ATP13A4: variants seen among roughly 807,000 people sequenced by gnomAD.
The protein encoded by ATP13A4 is ATPase 13A4.
A neutral mutation model predicts 142.5 loss-of-function variants in ATP13A4; 114 were observed. The observed-to-expected ratio is 0.80, with a 90% confidence interval of 0.69 to 0.93. The LOEUF is 0.93. Among genes scored for constraint, ATP13A4 ranks in the 40% least tolerant of loss-of-function variants. The pLI, the probability that ATP13A4 is intolerant of heterozygous loss-of-function variation, is 0.00. For synonymous variants in ATP13A4, 488 were observed against 514.8 expected (o/e 0.95, Z 0.70); for missense variants, 1,392 against 1,454.0 (o/e 0.96, Z 0.69).
At chr3:193,560,978 T>A (rs1724004933) in intron 2 of ATP13A4, among the ~76,000 whole-genome samples, 1 of 152,170 alleles carries the variant, frequency 6.6e-6, no homozygotes, top group Admixed American at 6.5e-5. Flanking sequence ...TGTCCTCTAG[T>A]GGCTAAGCTC....
Position 193,514,762 on chromosome 3 carries a change from T to G in ATP13A4, c.170A>C (p.His57Pro). The change falls in exon 2 of 30, where the codon CAC becomes CCC. Residue 57 changes from histidine (H) to proline (P), a missense_variant. By Grantham distance (77) the His-to-Pro change is moderately conservative. Coordinates refer to ENST00000342695, the MANE Select transcript of ATP13A4 (RefSeq NM_032279.4). ...PLVFYWRPAW[H>P]VWAHCVPCSL... The stretch of plus-strand genomic sequence containing the variant: ...ACATGGGACACAATGTGCCCATACG[T>G]GCCATGCTGGTCTCCAGTAAAACAC... 6.2e-7 allele frequency: 1 copy of G among 1,614,204 alleles called. No individual in the cohort carries two copies. Among genetic ancestry groups the G allele is most frequent in the Non-Finnish European group, 8.5e-7 (1 of 1,180,034 alleles).
rs1441166250 is a variant in ATP13A4 at position 193,539,892 on chromosome 3, T to C, written c.60+14848A>G. ...TTCAGTTGGCCACTTACTTTATACATGGACACTCTGTGGGAAATTATTTCG... is the reference window on the plus strand; with the variant it reads ...TTCAGTTGGCCACTTACTTTATACACGGACACTCTGTGGGAAATTATTTCG... On this transcript the variant is annotated intron_variant, in intron 1 of 29. Coordinates refer to ENST00000342695, the MANE Select transcript of ATP13A4 (RefSeq NM_032279.4). Among the ~76,000 whole-genome samples, 4 of 152,230 alleles carry C rather than the reference T, an allele frequency of 2.6e-5. No homozygotes were observed. In the South Asian group the frequency reaches 6.2e-4, roughly 24 times the overall value.
At position 193,515,299 on chromosome 3, in the gene ATP13A4, A is replaced by T. The variant is rs190931178; in HGVS notation, c.61-428T>A. ...CAAGGCCGCACAGCTAGAATGTCCC[A>T]CTGCTAAGATTCCAATCCAGGTCTG... On this transcript the variant is annotated intron_variant, in intron 1 of 29. Coordinates refer to ENST00000342695, the MANE Select transcript of ATP13A4 (RefSeq NM_032279.4). Among the ~76,000 whole-genome samples the T allele has an allele frequency of 2.2e-3, 334 of 152,248 alleles. 1 individual carries two copies. The highest frequency in any genetic ancestry group is 4.1e-3 in the Non-Finnish European group (277 of 68,008).
At chr3:193,507,478 G>A (rs1182475686) in intron 2 of ATP13A4, among the ~76,000 whole-genome samples, 1 of 151,966 alleles carries the variant, frequency 6.6e-6, no homozygotes, top group East Asian at 1.9e-4. Context: ...AAAGTTCTAA[G>A]TTTTGGAGAA....
At position 193,457,376 on chromosome 3, in the gene ATP13A4, T is replaced by C; in HGVS notation, c.1761+3A>G. ...TGTGGGGTGAAGAGCAAGCAGGGCT[T>C]ACCTGGCTGGCTGTTCTGCAGGGCT... On this transcript the variant is annotated splice_donor_region_variant and intron_variant, in intron 15 of 29. Coordinates refer to ENST00000342695, the MANE Select transcript of ATP13A4 (RefSeq NM_032279.4). 2 of 1,614,086 alleles carry C rather than the reference T, an allele frequency of 1.2e-6. No homozygotes were observed. Among genetic ancestry groups the C allele is most frequent in the Non-Finnish European group, 1.7e-6 (2 of 1,179,920 alleles).
chr3:193,441,484 G>A lies in ATP13A4; in HGVS notation c.2421C>T (p.Phe807=), dbSNP rs1716637264. ...AACTTACCTTTGGCAGTAGGCTGCT[G>A]AAATGTTGACTTATAACATGAAAGG... ...GKSFHVISQH[F]SSLLPKILIN... Residue 807 remains phenylalanine (F), a synonymous_variant, in exon 20 of 30, where the codon TTC becomes TTT. Transcript: ENST00000342695. 1 of 1,613,700 alleles carries A rather than the reference G, an allele frequency of 6.2e-7. No homozygotes were observed. Among genetic ancestry groups the A allele is most frequent in the South Asian group, 1.1e-5 (1 of 91,072 alleles).
intron 28 of ATP13A4, among the ~76,000 whole-genome samples, chr3:193,409,550 T>A (rs1372922029): frequency 2.6e-5 from 4 of 152,226 alleles, no homozygotes; most frequent in Non-Finnish European, 1.5e-5. Flanking sequence ...ATCTCATCCT[T>A]AACTTCTGTA....
intron 2 of ATP13A4, among the ~76,000 whole-genome samples, chr3:193,503,407 T>C (rs1187360570): frequency 6.6e-6 from 1 of 152,192 alleles, no homozygotes; most frequent in African/African-American, 2.4e-5. Context: ...GATACCACAA[T>C]GGTCCCTTAG....
rs1255583107 is a variant in ATP13A4 at position 193,412,248 on chromosome 3, T to A, written c.3138A>T (p.Thr1046=). The A allele has an allele frequency of 6.2e-7, 1 of 1,613,686 alleles. No individual in the cohort carries two copies. The highest frequency in any genetic ancestry group is 1.3e-5 in the African/African-American group (1 of 75,020). ...CAAGAGCCACAGTGATACAGTTGAT[T>A]GTTCCCAAGAACCAGACTGTAGTGT... ...FENTTVWFLG[T]INCITVALVF... Residue 1046 remains threonine (T), a synonymous_variant, in exon 27 of 30, where the codon ACA becomes ACT. Transcript: ENST00000342695.
intron 25 of ATP13A4, 46 bp from the exon 26 acceptor site, chr3:193,414,796 T>C: frequency 6.3e-7 from 1 of 1,581,504 alleles, no homozygotes; most frequent in East Asian, 2.3e-5. Flanking sequence ...CAGGAAAATG[T>C]ATTCTTGATC....
Position 193,491,400 on chromosome 3 carries a change from T to C in ATP13A4, c.534-2A>G. On this transcript the variant is annotated splice_acceptor_variant, in intron 5 of 29. Transcript: ENST00000342695. LOFTEE classifies it high-confidence loss of function. ...GTATTAGGCCCACATATTAACCTCC[T>C]ATAGAAAGAAATCACAGATCACTCT... 1.9e-6 allele frequency: 3 copies of C among 1,570,570 alleles called. No homozygotes were observed. The highest frequency in any genetic ancestry group is 2.6e-6 in the Non-Finnish European group (3 of 1,141,166).
rs1451761437 is a variant in ATP13A4 at position 193,466,138 on chromosome 3, G to A, written c.1159C>T (p.Pro387Ser). 1.2e-6 allele frequency: 2 copies of A among 1,614,032 alleles called. No individual in the cohort carries two copies. Among genetic ancestry groups the A allele is most frequent in the South Asian group, 1.1e-5 (1 of 91,078 alleles). Residue 387 changes from proline to serine, a missense_variant, in exon 11 of 30, where the codon CCT (proline) becomes TCT (serine). Pro to Ser is a moderately conservative substitution (Grantham distance 74). Coordinates refer to ENST00000342695, the MANE Select transcript of ATP13A4 (RefSeq NM_032279.4). ...TACAACTGAAAATTCACTGGCTTAG[G>A]GTAGAGAATGGATCTCACAAGGTCT... ...KGDLVRSILYPKPVNFQLYRD... is the reference protein window; with the variant it reads ...KGDLVRSILYSKPVNFQLYRD...
chr3:193,446,078 G>A (rs1245395450), intron 18 of ATP13A4, among the ~76,000 whole-genome samples: 5 of 152,098 alleles, frequency 3.3e-5, no homozygotes, highest in Non-Finnish European at 5.9e-5. Flanking sequence ...CAGGAGGATC[G>A]CTTGAGCCCA....
intron 7 of ATP13A4, among the ~76,000 whole-genome samples, chr3:193,484,774 A>C (rs1327719432): frequency 6.6e-6 from 1 of 152,242 alleles, no homozygotes; most frequent in African/African-American, 2.4e-5. Context: ...GAATAGAATG[A>C]ACAAAAGAGA....
chr3:193,569,800 G>C (rs375444616), intron 2 of ATP13A4, among the ~76,000 whole-genome samples: 3 of 152,078 alleles, frequency 2.0e-5, no homozygotes, highest in East Asian at 1.9e-4. Context: ...CTCCCAAAGT[G>C]CTGGGATTAC....
intron 17 of ATP13A4, among the ~76,000 whole-genome samples, chr3:193,452,418 C>T (rs929065983): frequency 6.6e-6 from 1 of 152,046 alleles, no homozygotes; most frequent in Non-Finnish European, 1.5e-5. Context: ...AACTGGACCC[C>T]CAGGAAGAAT....
At chr3:193,581,808 C>G (rs1482205952) in exon 2 of ATP13A4, 1 of 152,130 alleles carries the variant, frequency 6.6e-6, no homozygotes, top group Non-Finnish European at 1.5e-5. Flanking sequence ...TCTTATAAAA[C>G]CAGAAGAGCC....
chr3:193,521,698 C>T (rs1439559501), intron 1 of ATP13A4, among the ~76,000 whole-genome samples: 4 of 151,922 alleles, frequency 2.6e-5, no homozygotes, highest in Non-Finnish European at 4.4e-5. Flanking sequence ...TTTGGGAGGC[C>T]GAGGCGGGCA....
intron 5 of ATP13A4, 102 bp from the exon 6 acceptor site, chr3:193,491,500 T>C (rs2108664675): frequency 1.2e-6 from 1 of 858,410 alleles, no homozygotes; most frequent in Non-Finnish European, 2.0e-6. Flanking sequence ...CTTTCTCACT[T>C]GTGAGACCAA....
Sources: allele counts gnomAD v4.1 joint callset (sites outside exome capture counted in the v4.1 genomes callset), GRCh38; gene constraint gnomAD v4.1.1; transcripts MANE v1.5; gene names NCBI Gene and HGNC (gene_info 2026-07-23, HGNC 2026-07-21).